The following CPNE8 variants were observed in gnomAD, a reference collection of about 807,000 sequenced individuals.
The protein encoded by CPNE8 is copine 8.
CPNE8 carries 45 observed loss-of-function variants against 81.5 expected under a neutral mutation model. The ratio of observed to expected loss-of-function variants is 0.55; its 90% CI spans 0.44 to 0.71. The LOEUF (loss-of-function observed/expected upper bound fraction) is 0.71. CPNE8 is among the 30% of genes least tolerant of loss of function. The pLI is 0.00. For synonymous variants in CPNE8, 252 were observed against 226.3 expected (o/e 1.11, Z -1.02); for missense variants, 594 against 672.1 (o/e 0.88, Z 1.28).
In CPNE8 at chr12:38,898,674, G is replaced by A. The variant is rs992912224; in HGVS notation, c.98+6763C>T. On this transcript the variant is annotated intron_variant, in intron 1 of 19. Transcript: ENST00000331366. ...GTCTGACTAAAGAAAGGTAAAGTAT[G>A]CTAAGAGATGAACCAATGTGGACTA... Among the ~76,000 whole-genome samples the A allele has an allele frequency of 2.6e-5, 4 of 152,176 alleles. No individual in the cohort carries two copies. The South Asian group carries it at 6.2e-4, about 24-fold the overall frequency.
chr12:38,771,481 G>A (rs2136878375), intron 7 of CPNE8, among the ~76,000 whole-genome samples: 1 of 151,942 alleles, frequency 6.6e-6, no homozygotes, highest in Non-Finnish European at 1.5e-5. Flanking sequence ...AAAAAATACT[G>A]ATTGAAGATA....
At chr12:38,813,943 G>A (rs1182518811) in intron 6 of CPNE8, among the ~76,000 whole-genome samples, 4 of 152,130 alleles carry the variant, frequency 2.6e-5, no homozygotes, top group Non-Finnish European at 5.9e-5. Flanking sequence ...AAGCACCTGG[G>A]GTACATGACA....
intron 6 of CPNE8, among the ~76,000 whole-genome samples, chr12:38,787,737 T>C (rs1174457814): frequency 6.6e-6 from 1 of 151,308 alleles, no homozygotes; most frequent in Admixed American, 6.6e-5. Context: ...GCCAAATAAA[T>C]AAAATCAGAG....
chr12:38,765,745 T>C (rs1032486907), intron 8 of CPNE8, among the ~76,000 whole-genome samples: 1 of 152,222 alleles, frequency 6.6e-6, no homozygotes, highest in Non-Finnish European at 1.5e-5. Context: ...ATGAAAAGTT[T>C]TCTGAAATGA....
chr12:38,724,535 CA>C (rs903873571), intron 12 of CPNE8, among the ~76,000 whole-genome samples: 6 of 152,084 alleles, frequency 3.9e-5, no homozygotes, highest in Non-Finnish European at 5.9e-5. Context: ...GTGTTTTTTA[CA>C]TCTGCCTGAT....
chr12:38,902,361 AAAGAAAGAAAGAAAGAAAGAAAAG>A (rs1565670116), intron 1 of CPNE8, among the ~76,000 whole-genome samples: 5 of 91,364 alleles, frequency 5.5e-5, no homozygotes, highest in Non-Finnish European at 1.0e-4. Flanking sequence ...AGAAAGAAAG[AAAGAAAGAAAGAAAGAAAGAAAAG>A]AAAGAAAGAG....
At chr12:38,718,055 A>G (rs1940453464) in intron 13 of CPNE8, among the ~76,000 whole-genome samples, 1 of 152,038 alleles carries the variant, frequency 6.6e-6, no homozygotes, top group Non-Finnish European at 1.5e-5. Flanking sequence ...AAAAAAAGCT[A>G]AGTTTGATAA....
chr12:38,792,774 T>C (rs1197459721), intron 6 of CPNE8, among the ~76,000 whole-genome samples: 1 of 151,688 alleles, frequency 6.6e-6, no homozygotes, highest in Non-Finnish European at 1.5e-5. Flanking sequence ...CAAAACACTA[T>C]ACAAAGAAGA....
intron 10 of CPNE8, among the ~76,000 whole-genome samples, chr12:38,742,338 C>T (rs1333008472): frequency 6.6e-6 from 1 of 152,088 alleles, no homozygotes; most frequent in African/African-American, 2.4e-5. Context: ...CCACGGAATA[C>T]TATGCAGCCA....
At chr12:38,874,086 C>T (rs1402707790) in intron 2 of CPNE8, among the ~76,000 whole-genome samples, 1 of 151,176 alleles carries the variant, frequency 6.6e-6, no homozygotes, top group Non-Finnish European at 1.5e-5. Flanking sequence ...AGGCATGAAC[C>T]ACCTTGCCCG....
chr12:38,762,319 G>T, intron 8 of CPNE8, 103 bp from the exon 9 acceptor site: 2 of 503,744 alleles, frequency 4.0e-6, no homozygotes, highest in Non-Finnish European at 6.7e-6. Context: ...AGAATAGTCA[G>T]TTCCGCTGTT....
At chr12:38,777,377 GTTA>G (rs776876234) in intron 6 of CPNE8, among the ~76,000 whole-genome samples, 62 of 152,102 alleles carry the variant, frequency 4.1e-4, no homozygotes, top group Non-Finnish European at 7.8e-4. Flanking sequence ...CTAGATAAGT[GTTA>G]TTATTAAAAC....
At chr12:38,796,315 GAACTC>G (rs1942471697) in intron 6 of CPNE8, among the ~76,000 whole-genome samples, 2 of 151,746 alleles carry the variant, frequency 1.3e-5, no homozygotes, top group Non-Finnish European at 2.9e-5. Flanking sequence ...AAAAAATCTT[GAACTC>G]AAAAGGAAAA....
chr12:38,726,778 T>A (rs1382349342), intron 11 of CPNE8, among the ~76,000 whole-genome samples: 2 of 152,198 alleles, frequency 1.3e-5, no homozygotes, highest in African/African-American at 4.8e-5. Flanking sequence ...AGTAACTTTT[T>A]AGTAGAATTT....
At chr12:38,661,952 C>A (rs559106294) in intron 19 of CPNE8, among the ~76,000 whole-genome samples, 2 of 148,644 alleles carry the variant, frequency 1.3e-5, no homozygotes, top group South Asian at 4.2e-4. Flanking sequence ...TGATAAAATA[C>A]AACATCCCTT....
chr12:38,832,016 T>C (rs1943296194), intron 5 of CPNE8, among the ~76,000 whole-genome samples: 1 of 152,084 alleles, frequency 6.6e-6, no homozygotes. Flanking sequence ...CACTAACAAA[T>C]ACAAGAGAAC....
chr12:38,891,840 T>C (rs11169914), intron 1 of CPNE8, among the ~76,000 whole-genome samples: 21,356 of 152,272 alleles, frequency 0.14, 3,316 homozygotes, highest in African/African-American at 0.37. Context: ...ATCTATCAAG[T>C]GGCAAACATT....
chr12:38,653,868 A>G lies in CPNE8; in HGVS notation c.*14T>C, dbSNP rs1426816637. 1.2e-6 allele frequency: 2 copies of G among 1,606,626 alleles called. No individual in the cohort carries two copies. Among genetic ancestry groups the G allele is most frequent in the East Asian group, 2.2e-5 (1 of 44,468 alleles). Reference sequence around the variant, plus strand: ...CTTTTGATTTGTAGTTGACATTAGCATTTCAGAGCACAGTCATATTTGAGT... The same window carrying G: ...CTTTTGATTTGTAGTTGACATTAGCGTTTCAGAGCACAGTCATATTTGAGT... On this transcript the variant is annotated 3_prime_UTR_variant, in exon 20 of 20. Transcript: ENST00000331366.
chr12:38,889,429 GT>G (rs1461833537), intron 1 of CPNE8, among the ~76,000 whole-genome samples: 1 of 152,112 alleles, frequency 6.6e-6, no homozygotes, highest in Non-Finnish European at 1.5e-5. Context: ...GAACATCATG[GT>G]TTTCTCAGGA....
Sources: gnomAD v4.1 joint callset for allele counts (sites outside exome capture counted in the v4.1 genomes callset) on GRCh38, gnomAD v4.1.1 for gene constraint, MANE v1.5 for transcripts, NCBI Gene and HGNC (gene_info 2026-07-23, HGNC 2026-07-21) for gene names.